Variants in AFF2 observed in about 807,000 individuals in gnomAD.
The protein encoded by AFF2 is AF4/FMR2 family member 2.
In AFF2, 14 loss-of-function variants were observed where a neutral mutation model predicts 76.9. The ratio of observed to expected loss-of-function variants is 0.18; its 90% CI spans 0.12 to 0.28. The LOEUF is 0.28. Ranked by LOEUF, AFF2 falls within the 10% of genes least tolerant of loss-of-function variation. The pLI is 1.00. For missense variants in AFF2, 868 were observed against 1,001.1 expected, an observed-to-expected ratio of 0.87 and a Z score of 1.79; for synonymous variants, 398 against 366.7, an observed-to-expected ratio of 1.09 and a Z score of -0.98.
intron 3 of AFF2, among the ~76,000 whole-genome samples, chrX:148,718,399 C>CA (rs1333963303): frequency 9.0e-6 from 1 of 110,815 alleles, no homozygotes; most frequent in Non-Finnish European, 1.9e-5. Flanking sequence ...CTGGGAAGGG[C>CA]AATGGACCTA....
intron 3 of AFF2, among the ~76,000 whole-genome samples, chrX:148,794,447 G>A (rs994227824): frequency 4.5e-5 from 5 of 111,765 alleles, no homozygotes; most frequent in Non-Finnish European, 9.4e-5. Flanking sequence ...TAAAGGAGGA[G>A]TCAAGGAGTA....
intron 2 of AFF2, among the ~76,000 whole-genome samples, chrX:148,660,543 G>A (rs1444794179): frequency 1.8e-5 from 2 of 112,131 alleles, no homozygotes; most frequent in African/African-American, 6.5e-5. Flanking sequence ...AGACTGGGCT[G>A]TGTTAAGGGC....
intron 1 of AFF2, among the ~76,000 whole-genome samples, chrX:148,574,943 G>T (rs782182264): frequency 7.3e-5 from 7 of 95,650 alleles, no homozygotes; most frequent in Non-Finnish European, 1.5e-4. Flanking sequence ...ATAGTGCTGG[G>T]GTGTGTGTGT....
At chrX:148,577,540 T>C (rs1557243685) in intron 1 of AFF2, among the ~76,000 whole-genome samples, 2 of 112,061 alleles carry the variant, frequency 1.8e-5, no homozygotes, top group Non-Finnish European at 3.8e-5. Context: ...AGTAATACCA[T>C]TAACAAATAA....
Position 148,991,398 on chromosome X carries a change from C to T in AFF2, c.*66C>T. On this transcript the variant is annotated 3_prime_UTR_variant, in exon 21 of 21. Coordinates refer to ENST00000370460, the MANE Select transcript of AFF2 (RefSeq NM_002025.4). ...ACCTCTACCAGCGCACTGATGGTCA[C>T]TGGTGGAACTCCACTCACTGGGGAA... 9.4e-7 allele frequency: 1 copy of T among 1,062,871 alleles called. No homozygotes were observed. Among genetic ancestry groups the T allele is most frequent in the East Asian group, 3.3e-5 (1 of 30,068 alleles). 87.6% of individuals were successfully genotyped at this position (1,062,871 alleles called of 1,213,427 possible).
chrX:148,958,666 G>A (rs1175296940), intron 12 of AFF2, among the ~76,000 whole-genome samples: 1 of 111,751 alleles, frequency 8.9e-6, no homozygotes, highest in East Asian at 2.8e-4. Flanking sequence ...GAATTGGGGT[G>A]ACTCCATGAG....
At chrX:148,664,833 GT>G (rs1557258281) in intron 3 of AFF2, among the ~76,000 whole-genome samples, 1 of 112,404 alleles carries the variant, frequency 8.9e-6, no homozygotes, top group Non-Finnish European at 1.9e-5. Context: ...TCCATCATGA[GT>G]TATATCTTTT....
chrX:148,863,786 G>A (rs1206310662), intron 7 of AFF2, among the ~76,000 whole-genome samples: 1 of 111,259 alleles, frequency 9.0e-6, no homozygotes, highest in Non-Finnish European at 1.9e-5. Context: ...AAATGGGTAG[G>A]GTGGGAACAA....
intron 3 of AFF2, among the ~76,000 whole-genome samples, chrX:148,752,837 A>G (rs1453951812): frequency 8.9e-6 from 1 of 111,877 alleles, no homozygotes; most frequent in Non-Finnish European, 1.9e-5. Flanking sequence ...CTTAAATGCA[A>G]TATTTGACAT....
At chrX:148,791,643 T>C (rs1489001020) in intron 3 of AFF2, among the ~76,000 whole-genome samples, 4 of 112,717 alleles carry the variant, frequency 3.5e-5, no homozygotes, top group Admixed American at 9.4e-5. Context: ...TAATCTGTTA[T>C]GCAAAAAATA....
At chrX:148,565,573 T>C (rs1557241516) in intron 1 of AFF2, among the ~76,000 whole-genome samples, 1 of 111,545 alleles carries the variant, frequency 9.0e-6, no homozygotes, top group African/African-American at 3.3e-5. Flanking sequence ...TTCATACTTA[T>C]TAGCTTTTTT....
At chrX:148,911,701 A>G (rs782203255) in intron 9 of AFF2, among the ~76,000 whole-genome samples, 5 of 112,369 alleles carry the variant, frequency 4.4e-5, no homozygotes, top group African/African-American at 6.5e-5. Context: ...TGCTAACAAT[A>G]AAGTGGCTTC....
chrX:148,804,504 T>G (rs1309534501), intron 3 of AFF2, among the ~76,000 whole-genome samples: 3 of 112,973 alleles, frequency 2.7e-5, no homozygotes, highest in Non-Finnish European at 5.6e-5. Context: ...TGTTAAATTA[T>G]TTTGATCTTC....
At chrX:148,503,516 A>G (rs2052375954) in intron 1 of AFF2, among the ~76,000 whole-genome samples, 1 of 112,347 alleles carries the variant, frequency 8.9e-6, no homozygotes, top group Admixed American at 9.4e-5. Flanking sequence ...CTTAACATTC[A>G]CTTATGGAAC....
At chrX:148,853,544 T>C (rs1308210787) in intron 7 of AFF2, among the ~76,000 whole-genome samples, 1 of 112,169 alleles carries the variant, frequency 8.9e-6, no homozygotes, top group Non-Finnish European at 1.9e-5. Context: ...CCTGCTCTCA[T>C]TGGTTCTCTT....
chrX:148,590,578 C>G (rs2053514025), intron 1 of AFF2, among the ~76,000 whole-genome samples: 1 of 111,900 alleles, frequency 8.9e-6, no homozygotes, highest in African/African-American at 3.3e-5. Flanking sequence ...CCAATGTTGC[C>G]TCATTCAGTA....
chrX:148,890,457 C>A (rs1557279628), intron 8 of AFF2, among the ~76,000 whole-genome samples: 1 of 112,103 alleles, frequency 8.9e-6, no homozygotes, highest in Non-Finnish European at 1.9e-5. Context: ...CTTTAGGATC[C>A]ATAGGGAAAT....
chrX:148,912,565 A>G (rs2071482703), intron 9 of AFF2, among the ~76,000 whole-genome samples: 1 of 112,033 alleles, frequency 8.9e-6, no homozygotes. Flanking sequence ...CCCCCATTAC[A>G]TGCAGTTTAC....
intron 1 of AFF2, among the ~76,000 whole-genome samples, chrX:148,572,398 C>T (rs1033952724): frequency 1.7e-4 from 19 of 112,138 alleles, no homozygotes; most frequent in African/African-American, 4.5e-4. Flanking sequence ...CCAACAATTA[C>T]GCTTCTAAGT....
Sources: gnomAD v4.1 joint callset for allele counts (sites outside exome capture counted in the v4.1 genomes callset) on GRCh38, gnomAD v4.1.1 for gene constraint, MANE v1.5 for transcripts, NCBI Gene and HGNC (gene_info 2026-07-23, HGNC 2026-07-21) for gene names.